The following EXT2 variants were observed in gnomAD, a reference collection of about 807,000 sequenced individuals.
EXT2 encodes exostosin glycosyltransferase 2.
EXT2 carries 53 observed loss-of-function variants against 81.6 expected under a neutral mutation model. The ratio of observed to expected loss-of-function variants is 0.65; its 90% CI spans 0.52 to 0.82. The LOEUF (loss-of-function observed/expected upper bound fraction) is 0.82. EXT2 is among the 40% of genes least tolerant of loss of function. The pLI is 0.00. For synonymous variants in EXT2, 320 were observed against 340.0 expected (o/e 0.94, Z 0.65); for missense variants, 774 against 910.2 (o/e 0.85, Z 1.93).
At chr11:44,137,450 C>T (rs1954587260) in intron 7 of EXT2, among the ~76,000 whole-genome samples, 1 of 150,884 alleles carries the variant, frequency 6.6e-6, no homozygotes, top group Non-Finnish European at 1.5e-5. Flanking sequence ...GTATAGGTCA[C>T]CCGTTTTACT....
intron 12 of EXT2, among the ~76,000 whole-genome samples, chr11:44,235,833 A>G (rs552813193): frequency 1.3e-5 from 2 of 152,308 alleles, no homozygotes; most frequent in East Asian, 1.9e-4. Flanking sequence ...GGGAATTGCA[A>G]AATAGCTTGG....
At chr11:44,227,167 A>T (rs760078246) in intron 10 of EXT2, among the ~76,000 whole-genome samples, 9 of 152,098 alleles carry the variant, frequency 5.9e-5, no homozygotes, top group Non-Finnish European at 8.8e-5. Flanking sequence ...TTCTCCCCCT[A>T]GTCTGTTTCC....
At chr11:44,241,331 T>G (rs1029805307) in intron 13 of EXT2, among the ~76,000 whole-genome samples, 3 of 152,232 alleles carry the variant, frequency 2.0e-5, no homozygotes, top group African/African-American at 7.2e-5. Flanking sequence ...AAATGATGAG[T>G]TTGCCACACT....
Position 44,155,300 on chromosome 11 carries a change from T to C in EXT2, c.1174-16311T>C, listed in dbSNP as rs558779784. On this transcript the variant is annotated intron_variant, in intron 7 of 13. Transcript: ENST00000533608. ...ACATGGTGAGAGATAGGTACCTAGT[T>C]TCCTTCTTCTTCATTCCGTGTTATT... 2.0e-5 allele frequency among the ~76,000 whole-genome samples: 3 copies of C among 152,228 alleles called. No individual in the cohort carries two copies. In the South Asian group the frequency reaches 6.2e-4, roughly 32 times the overall value.
At chr11:44,187,533 A>G (rs1333501433) in intron 8 of EXT2, among the ~76,000 whole-genome samples, 2 of 152,218 alleles carry the variant, frequency 1.3e-5, no homozygotes, top group Admixed American at 1.3e-4. Flanking sequence ...CTAAGAAATT[A>G]ATGATATACA....
At chr11:44,189,070 A>G (rs1955356448) in intron 8 of EXT2, among the ~76,000 whole-genome samples, 1 of 152,220 alleles carries the variant, frequency 6.6e-6, no homozygotes, top group South Asian at 2.1e-4. Flanking sequence ...CAGTAGACAT[A>G]TTTGGCCTGC....
At chr11:44,242,639 A>AG (rs1956050099) in intron 13 of EXT2, among the ~76,000 whole-genome samples, 1 of 152,086 alleles carries the variant, frequency 6.6e-6, no homozygotes, top group South Asian at 2.1e-4. Flanking sequence ...TAGTTGGGCA[A>AG]GGGGGGTGAT....
Position 44,152,512 on chromosome 11 carries a change from G to A in EXT2, c.1174-19099G>A, listed in dbSNP as rs142329797. On this transcript the variant is annotated intron_variant, in intron 7 of 13. Transcript: ENST00000533608. Reference sequence around the variant, plus strand: ...ACTACAGGTGCACACCACCACACCCGGCTAATCTTTGTATTTTTAGTAGAG... The same window carrying A: ...ACTACAGGTGCACACCACCACACCCAGCTAATCTTTGTATTTTTAGTAGAG... 5.5e-3 allele frequency among the ~76,000 whole-genome samples: 843 copies of A among 152,112 alleles called. 13 individuals are homozygous for A. Among genetic ancestry groups the A allele is most frequent in the African/African-American group, 0.019 (794 of 41,500 alleles).
Position 44,234,136 on chromosome 11 carries a change from T to C in EXT2, c.1828T>C (p.Tyr610His), listed in dbSNP as rs1372406918. The change falls in exon 12 of 14, where the codon TAC becomes CAC. Residue 610 changes from tyrosine (Y) to histidine (H), a missense_variant. Physicochemically the swap from Tyr to His is moderately conservative, Grantham distance 83 (BLOSUM62 2). Around this residue, in one of 2 missense-constraint regions of EXT2, gnomAD observed 148 missense variants for 239.7 expected, o/e 0.62. Coordinates refer to ENST00000533608, the MANE Select transcript of EXT2 (RefSeq NM_207122.2). The stretch of plus-strand genomic sequence containing the variant: ...ACAGTATTTTAATTACCTGTATACC[T>C]ACAAAATGCCTGGGGATATCAAGAA... ...YHKYFNYLYT[Y>H]KMPGDIKNWV... 1 of 1,614,084 alleles carries C rather than the reference T, an allele frequency of 6.2e-7. No individual in the cohort carries two copies. Among genetic ancestry groups the C allele is most frequent in the South Asian group, 1.1e-5 (1 of 91,082 alleles).
chr11:44,155,463 C>G (rs1487310620), intron 7 of EXT2, among the ~76,000 whole-genome samples: 1 of 151,632 alleles, frequency 6.6e-6, no homozygotes, highest in Non-Finnish European at 1.5e-5. Flanking sequence ...TAATTTCTTG[C>G]TTTCTATTTT....
chr11:44,121,613 C>T (rs1345538444), intron 4 of EXT2, among the ~76,000 whole-genome samples: 1 of 151,852 alleles, frequency 6.6e-6, no homozygotes, highest in Non-Finnish European at 1.5e-5. Flanking sequence ...CCCACCCCTC[C>T]TCATCCCTGC....
intron 7 of EXT2, among the ~76,000 whole-genome samples, chr11:44,158,437 G>A (rs1246534728): frequency 6.6e-6 from 1 of 152,092 alleles, no homozygotes; most frequent in Non-Finnish European, 1.5e-5. Flanking sequence ...CAGCGTATCA[G>A]TTTATAGCAT....
At chr11:44,123,427 G>C (rs1333117765) in intron 4 of EXT2, among the ~76,000 whole-genome samples, 3 of 152,192 alleles carry the variant, frequency 2.0e-5, no homozygotes, top group Non-Finnish European at 4.4e-5. Flanking sequence ...AGTGTGTGCT[G>C]CTTCTAGGCT....
chr11:44,107,608 G>T, intron 1 of EXT2, 75 bp from the exon 2 acceptor site: 1 of 1,379,244 alleles, frequency 7.3e-7, no homozygotes, highest in Non-Finnish European at 9.9e-7. Flanking sequence ...CAAAAAAAAA[G>T]GTTGAATAGT....
intron 8 of EXT2, among the ~76,000 whole-genome samples, chr11:44,184,821 C>G (rs1482710076): frequency 1.3e-5 from 2 of 152,156 alleles, no homozygotes; most frequent in East Asian, 3.8e-4. Context: ...AGCAATGTCA[C>G]TGATCAGTTT....
At chr11:44,115,137 C>T (rs961535427) in intron 4 of EXT2, among the ~76,000 whole-genome samples, 1 of 152,172 alleles carries the variant, frequency 6.6e-6, no homozygotes, top group South Asian at 2.1e-4. Context: ...TGATGCCCAT[C>T]GTGATGACTT....
At chr11:44,130,936 GC>G (rs1045235277) in intron 7 of EXT2, among the ~76,000 whole-genome samples, 1 of 152,266 alleles carries the variant, frequency 6.6e-6, no homozygotes, top group Non-Finnish European at 1.5e-5. Flanking sequence ...CAGGCAGAGA[GC>G]CTGCATTTGG....
intron 10 of EXT2, among the ~76,000 whole-genome samples, chr11:44,221,573 G>A (rs1955782355): frequency 6.6e-6 from 1 of 152,190 alleles, no homozygotes; most frequent in South Asian, 2.1e-4. Flanking sequence ...CAGGAATTCA[G>A]AGCTTCAGAA....
intron 10 of EXT2, among the ~76,000 whole-genome samples, chr11:44,224,691 G>A (rs185519685): frequency 6.0e-4 from 92 of 152,282 alleles, no homozygotes; most frequent in African/African-American, 1.9e-3. Flanking sequence ...TGTGGTCACT[G>A]TCATTTCGTA....
Sources: allele counts gnomAD v4.1 joint callset (sites outside exome capture counted in the v4.1 genomes callset), GRCh38; gene constraint gnomAD v4.1.1; regional missense constraint gnomAD v4.1.1; transcripts MANE v1.5; gene names NCBI Gene and HGNC (gene_info 2026-07-23, HGNC 2026-07-21).